Variants in CORO2B observed in about 807,000 individuals in gnomAD.
The protein encoded by CORO2B is coronin-2B.
CORO2B carries 26 observed loss-of-function variants against 58.8 expected under a neutral mutation model. The ratio of observed to expected loss-of-function variants is 0.44; its 90% CI spans 0.32 to 0.61. The LOEUF is 0.61. CORO2B is among the 20% of genes least tolerant of loss of function. CORO2B has a pLI of 0.04. For synonymous variants in CORO2B, 242 were observed against 253.8 expected, an observed-to-expected ratio of 0.95 and a Z score of 0.44; for missense variants, 460 against 645.1, an observed-to-expected ratio of 0.71 and a Z score of 3.11.
intron 3 of CORO2B, among the ~76,000 whole-genome samples, chr15:68,700,040 C>T (rs565579981): frequency 1.3e-5 from 2 of 152,184 alleles, no homozygotes; most frequent in Admixed American, 6.5e-5. Context: ...TTTGCAGCTT[C>T]CAGGGGGTGG....
At chr15:68,682,660 G>A (rs1902829669) in intron 2 of CORO2B, among the ~76,000 whole-genome samples, 1 of 152,184 alleles carries the variant, frequency 6.6e-6, no homozygotes, top group African/African-American at 2.4e-5. Context: ...AGGATACCAT[G>A]TTTATTATCC....
At chr15:68,694,261 GCT>G (rs1892456524) in intron 2 of CORO2B, among the ~76,000 whole-genome samples, 1 of 152,200 alleles carries the variant, frequency 6.6e-6, no homozygotes, top group Non-Finnish European at 1.5e-5. Flanking sequence ...AATAATAAGT[GCT>G]GTCATATATT....
At chr15:68,644,145 C>T (rs1346769437) in intron 1 of CORO2B, among the ~76,000 whole-genome samples, 1 of 152,180 alleles carries the variant, frequency 6.6e-6, no homozygotes, top group Non-Finnish European at 1.5e-5. Context: ...ATCTTAGCGG[C>T]TTATAACAAA....
At chr15:68,566,451 G>C in the CORO2B span, among the ~76,000 whole-genome samples, 2 of 152,124 alleles carry the variant, frequency 1.3e-5, no homozygotes, top group African/African-American at 2.4e-5. Flanking sequence ...ACTTAAAATC[G>C]GGTCTCTGAG....
At chr15:68,619,518 C>G (rs1225925064) in intron 1 of CORO2B, among the ~76,000 whole-genome samples, 2 of 152,100 alleles carry the variant, frequency 1.3e-5, no homozygotes. Context: ...GGATGTAAAC[C>G]TTGGACTGTT....
rs369359607 is a variant in CORO2B, at chr15:68,719,244, C to T, written c.1171+10C>T. On this transcript the variant is annotated intron_variant, in intron 10 of 11. Transcript: ENST00000261861. ...GGAGGCATCAACCGAGGTACCACAGCGGGGGGCTCCACAGAGCACAGGCGG... is the reference window on the plus strand; with the variant it reads ...GGAGGCATCAACCGAGGTACCACAGTGGGGGGCTCCACAGAGCACAGGCGG... The T allele has an allele frequency of 1.9e-5, 30 of 1,612,758 alleles. No individual in the cohort carries two copies. Among genetic ancestry groups the T allele is most frequent in the African/African-American group, 6.7e-5 (5 of 74,902 alleles).
chr15:68,523,235 G>A, the CORO2B span, among the ~76,000 whole-genome samples: 10,094 of 151,684 alleles, frequency 0.067, 589 homozygotes, highest in African/African-American at 0.15. Context: ...CTGTCACTCA[G>A]GCTGGATGGA....
the CORO2B span, among the ~76,000 whole-genome samples, chr15:68,562,413 G>A: frequency 6.6e-6 from 1 of 152,164 alleles, no homozygotes; most frequent in African/African-American, 2.4e-5. Context: ...GGATGGTCCT[G>A]ATTTTCCTCC....
At chr15:68,546,903 T>C in the CORO2B span, among the ~76,000 whole-genome samples, 7 of 152,196 alleles carry the variant, frequency 4.6e-5, no homozygotes, top group Non-Finnish European at 1.0e-4. Flanking sequence ...CAGGAGACTT[T>C]CACCCTCTCT....
At chr15:68,596,669 G>T (rs1899838350) in intron 1 of CORO2B, among the ~76,000 whole-genome samples, 1 of 152,186 alleles carries the variant, frequency 6.6e-6, no homozygotes, top group Non-Finnish European at 1.5e-5. Flanking sequence ...ATGTTGAGGT[G>T]ATGAGGATGG....
chr15:68,631,789 G>A (rs970078488), intron 1 of CORO2B, among the ~76,000 whole-genome samples: 3 of 152,198 alleles, frequency 2.0e-5, no homozygotes, highest in Admixed American at 1.3e-4. Flanking sequence ...GGGCCAATTC[G>A]TTTACCTCTT....
In CORO2B at chr15:68,620,004, C is replaced by T. The variant is rs147219538; in HGVS notation, c.16-25156C>T. ...TTGACTCACTGCAGCCTTTGCTTCC[C>T]GGGTTCAAGCAACTCTCCTGCCTCA... On this transcript the variant is annotated intron_variant, in intron 1 of 11. Transcript: ENST00000261861. Among the ~76,000 whole-genome samples, 201 of 152,176 alleles carry T rather than the reference C, an allele frequency of 1.3e-3. 1 individual carries two copies. Among genetic ancestry groups the T allele is most frequent in the African/African-American group, 2.4e-3 (100 of 41,516 alleles).
intron 1 of CORO2B, among the ~76,000 whole-genome samples, chr15:68,626,412 G>T (rs1242390401): frequency 6.6e-6 from 1 of 151,864 alleles, no homozygotes; most frequent in Non-Finnish European, 1.5e-5. Context: ...TAATCACTGT[G>T]CTGGCTGCTA....
upstream of CORO2B, among the ~76,000 whole-genome samples, chr15:68,576,350 C>T (rs1165431075): frequency 6.6e-6 from 1 of 152,046 alleles, no homozygotes; most frequent in African/African-American, 2.4e-5. Flanking sequence ...GGATCAGAAA[C>T]ATTTTCCTTC....
Position 68,710,606 on chromosome 15 carries a change from C to A in CORO2B, c.334-126C>A. The A allele has an allele frequency of 8.4e-7, 1 of 1,185,356 alleles. No homozygotes were observed. Among genetic ancestry groups the A allele is most frequent in the Non-Finnish European group, 1.1e-6 (1 of 883,702 alleles). 73.4% of individuals were successfully genotyped at this position (1,185,356 alleles called of 1,614,324 possible). Reference sequence around the variant, plus strand: ...GGCCTCAGTCGAGCTTTGCCCATCGCCTCAAGCCAGGAGGTGGCTCATCAG... The same window carrying A: ...GGCCTCAGTCGAGCTTTGCCCATCGACTCAAGCCAGGAGGTGGCTCATCAG... On this transcript the variant is annotated intron_variant, in intron 3 of 11. Coordinates refer to ENST00000261861, the MANE Select transcript of CORO2B (RefSeq NM_006091.5). The surrounding 1 kb of genome is among the most constrained non-coding windows in gnomAD (Gnocchi z 4.1).
Position 68,713,908 on chromosome 15 carries a change from C to T in CORO2B, c.649-17C>T, listed in dbSNP as rs1330564059. Reference sequence around the variant, plus strand: ...TGTTGGGGACCCTGGCTCACCACCTCCCTCTGTTCCTACTAGGAGGCCAAC... The same window carrying T: ...TGTTGGGGACCCTGGCTCACCACCTTCCTCTGTTCCTACTAGGAGGCCAAC... On this transcript the variant is annotated splice_polypyrimidine_tract_variant and intron_variant, in intron 5 of 11. Transcript: ENST00000261861. 2 of 1,595,860 alleles carry T rather than the reference C, an allele frequency of 1.3e-6. No individual in the cohort carries two copies. Among genetic ancestry groups the T allele is most frequent in the Admixed American group, 3.4e-5 (2 of 59,688 alleles).
At chr15:68,675,182 C>T (rs918933758) in intron 2 of CORO2B, among the ~76,000 whole-genome samples, 1 of 152,196 alleles carries the variant, frequency 6.6e-6, no homozygotes, top group Non-Finnish European at 1.5e-5. Flanking sequence ...GGCGAAAATA[C>T]TTCTAGTCCA....
At chr15:68,706,241 C>T (rs560246810) in intron 3 of CORO2B, among the ~76,000 whole-genome samples, 1 of 152,352 alleles carries the variant, frequency 6.6e-6, no homozygotes, top group East Asian at 1.9e-4. Flanking sequence ...TTTCTGCCTC[C>T]TCACCGCTTC....
chr15:68,561,347 T>C, the CORO2B span, among the ~76,000 whole-genome samples: 6 of 151,922 alleles, frequency 3.9e-5, no homozygotes, highest in African/African-American at 1.2e-4. Context: ...TGCAGCTCAC[T>C]CTCCCCGGTC....
Sources: gnomAD v4.1 joint callset for allele counts (sites outside exome capture counted in the v4.1 genomes callset) on GRCh38, gnomAD v4.1.1 for gene constraint, Gnocchi (gnomAD v3.1) non-coding constraint, MANE v1.5 for transcripts, NCBI Gene and HGNC (gene_info 2026-07-23, HGNC 2026-07-21) for gene names.